NRG1: variants seen among roughly 807,000 people sequenced by gnomAD.
NRG1 encodes the protein pro-neuregulin-1, membrane-bound isoform.
NRG1 carries 18 observed loss-of-function variants against 63.8 expected under a neutral mutation model. The ratio of observed to expected loss-of-function variants is 0.28; its 90% confidence interval spans 0.19 to 0.42. The LOEUF is 0.42. Ranked by LOEUF, NRG1 falls within the 10% of genes least tolerant of loss-of-function variation. NRG1 has a pLI of 1.00. For synonymous variants in NRG1, 302 were observed against 301.3 expected (o/e 1.00, Z -0.02); for missense variants, 762 against 814.7 (o/e 0.94, Z 0.79).
At chr8:32,628,933 C>A (rs1849776225) in intron 5 of NRG1, among the ~76,000 whole-genome samples, 1 of 152,008 alleles carries the variant, frequency 6.6e-6, no homozygotes, top group South Asian at 2.1e-4. Context: ...AGGGTTCCAC[C>A]ATGTTGGCCA....
At chr8:31,977,420 C>G (rs1333303792) in intron 1 of NRG1, among the ~76,000 whole-genome samples, 2 of 152,016 alleles carry the variant, frequency 1.3e-5, no homozygotes, top group Admixed American at 1.3e-4. Context: ...GAAATTCTTC[C>G]TGTTCTGTTT....
chr8:32,516,623 C>A (rs1829849398), intron 1 of NRG1, among the ~76,000 whole-genome samples: 1 of 151,984 alleles, frequency 6.6e-6, no homozygotes, highest in African/African-American at 2.4e-5. Flanking sequence ...TTTTATAGTT[C>A]TCTTTGTAGG....
intron 1 of NRG1, among the ~76,000 whole-genome samples, chr8:31,768,009 T>A (rs1189371638): frequency 6.6e-6 from 1 of 152,154 alleles, no homozygotes; most frequent in Non-Finnish European, 1.5e-5. Context: ...TGCCACCCAG[T>A]CCACATTTAT....
At chr8:32,704,926 G>A (rs561391229) in intron 5 of NRG1, among the ~76,000 whole-genome samples, 15 of 152,212 alleles carry the variant, frequency 9.9e-5, no homozygotes, top group East Asian at 7.7e-4. Context: ...CCTGTCATTC[G>A]AGATTTGTGA....
chr8:32,183,209 T>C (rs1426883754), intron 1 of NRG1, among the ~76,000 whole-genome samples: 1 of 152,170 alleles, frequency 6.6e-6, no homozygotes, highest in African/African-American at 2.4e-5. Context: ...AACTGAAGAC[T>C]AGCCCTTTAT....
intron 1 of NRG1, among the ~76,000 whole-genome samples, chr8:32,511,367 GTATATA>G (rs202038797): frequency 0.01 from 1,234 of 122,062 alleles, 18 homozygotes; most frequent in African/African-American, 0.034. Flanking sequence ...ATATATATGT[GTATATA>G]TATATATATA....
chr8:32,502,045 C>G (rs1354262048), intron 1 of NRG1, among the ~76,000 whole-genome samples: 1 of 152,146 alleles, frequency 6.6e-6, no homozygotes, highest in Non-Finnish European at 1.5e-5. Context: ...CTGTATTAGT[C>G]CATTCTTGCA....
At chr8:32,660,417 G>T (rs546195639) in intron 5 of NRG1, among the ~76,000 whole-genome samples, 1 of 152,124 alleles carries the variant, frequency 6.6e-6, no homozygotes, top group Non-Finnish European at 1.5e-5. Context: ...CTGAAACCGG[G>T]TCTTAAATCA....
intron 1 of NRG1, among the ~76,000 whole-genome samples, chr8:32,305,790 A>G (rs1272000682): frequency 6.6e-6 from 1 of 152,286 alleles, no homozygotes; most frequent in East Asian, 1.9e-4. Context: ...TTTTGTAGTT[A>G]GTAAATAAGA....
chr8:32,743,857 A>AAAT (rs1826950678), intron 7 of NRG1, among the ~76,000 whole-genome samples: 1 of 152,058 alleles, frequency 6.6e-6, no homozygotes, highest in Admixed American at 6.6e-5. Flanking sequence ...TTCAGAGAGC[A>AAAT]AATATTTTAG....
At chr8:32,455,044 A>G (rs1284035019) in intron 1 of NRG1, among the ~76,000 whole-genome samples, 1 of 152,198 alleles carries the variant, frequency 6.6e-6, no homozygotes, top group East Asian at 1.9e-4. Flanking sequence ...CCATATAGCC[A>G]AGGTGTGTAG....
chr8:32,437,155 T>C (rs1434421152), intron 1 of NRG1, among the ~76,000 whole-genome samples: 1 of 152,110 alleles, frequency 6.6e-6, no homozygotes, highest in African/African-American at 2.4e-5. Flanking sequence ...GTCTAGACTA[T>C]TTTGTTTTTA....
At chr8:32,152,528 C>T (rs1168139735) in intron 1 of NRG1, among the ~76,000 whole-genome samples, 2 of 152,156 alleles carry the variant, frequency 1.3e-5, no homozygotes, top group Non-Finnish European at 2.9e-5. Context: ...GAAATAACTT[C>T]CTATGACATA....
intron 1 of NRG1, among the ~76,000 whole-genome samples, chr8:32,255,256 C>A (rs1198841569): frequency 2.0e-5 from 3 of 152,200 alleles, no homozygotes; most frequent in African/African-American, 7.2e-5. Context: ...GGTTATTTTG[C>A]CTGTTAGTTG....
At chr8:32,598,849 C>G (rs1369197221) in intron 2 of NRG1, among the ~76,000 whole-genome samples, 2 of 151,988 alleles carry the variant, frequency 1.3e-5, no homozygotes, top group African/African-American at 4.8e-5. Flanking sequence ...AACTGAATCT[C>G]AATTTAATTA....
chr8:32,737,151 C>G (rs1825270886), intron 6 of NRG1, among the ~76,000 whole-genome samples: 1 of 152,074 alleles, frequency 6.6e-6, no homozygotes, highest in Non-Finnish European at 1.5e-5. Flanking sequence ...AGATAACAGA[C>G]TTACTTTTAA....
intron 1 of NRG1, among the ~76,000 whole-genome samples, chr8:32,580,821 T>C (rs1329161964): frequency 6.6e-6 from 1 of 150,862 alleles, no homozygotes; most frequent in African/African-American, 2.4e-5. Context: ...AAGTTGTTAT[T>C]AGGAATAAAC....
At chr8:31,908,969 A>T (rs1452442763) in intron 1 of NRG1, among the ~76,000 whole-genome samples, 1 of 152,150 alleles carries the variant, frequency 6.6e-6, no homozygotes, top group Non-Finnish European at 1.5e-5. Flanking sequence ...GATAAGGTTG[A>T]TCTTCATCTC....
intron 5 of NRG1, among the ~76,000 whole-genome samples, chr8:32,625,774 C>CTCTTTT (rs1849117124): frequency 2.3e-5 from 3 of 128,662 alleles, no homozygotes; most frequent in African/African-American, 8.7e-5. Context: ...CTTTCCCTCT[C>CTCTTTT]TTTTTTTTTT....
Sources: allele counts gnomAD v4.1 joint callset (sites outside exome capture counted in the v4.1 genomes callset), GRCh38; gene constraint gnomAD v4.1.1; transcripts MANE v1.5; gene names NCBI Gene and HGNC (gene_info 2026-07-23, HGNC 2026-07-21).